Variants in STXBP6 observed in about 807,000 individuals in gnomAD.
The protein encoded by STXBP6 is syntaxin-binding protein 6.
In STXBP6, 21 loss-of-function variants were observed where a neutral mutation model predicts 26.9. The ratio of observed to expected loss-of-function variants is 0.78; its 90% CI spans 0.55 to 1.12. The LOEUF (loss-of-function observed/expected upper bound fraction) is 1.12. Ranked by LOEUF, STXBP6 falls within the 50% of genes most tolerant of loss-of-function variation. The pLI, the probability that STXBP6 is intolerant of heterozygous loss-of-function variation, is 0.00. For synonymous variants in STXBP6, 97 were observed against 92.6 expected (o/e 1.05, Z -0.27); for missense variants, 232 against 257.9 (o/e 0.90, Z 0.69).
At chr14:24,870,948 T>C (rs1369566701) in intron 2 of STXBP6, among the ~76,000 whole-genome samples, 1 of 152,304 alleles carries the variant, frequency 6.6e-6, no homozygotes, top group Non-Finnish European at 1.5e-5. Context: ...TTTAAAAAAC[T>C]AAGATGCTAC....
At chr14:25,029,014 T>C (rs1007579338) in intron 1 of STXBP6, among the ~76,000 whole-genome samples, 1 of 152,188 alleles carries the variant, frequency 6.6e-6, no homozygotes, top group African/African-American at 2.4e-5. Context: ...GAGGAGTTGC[T>C]TCTTATGGAT....
At chr14:24,877,743 T>A (rs1429525121) in intron 2 of STXBP6, among the ~76,000 whole-genome samples, 1 of 152,194 alleles carries the variant, frequency 6.6e-6, no homozygotes, top group African/African-American at 2.4e-5. Flanking sequence ...CATAAATAAT[T>A]TTGCAAGTAT....
At chr14:24,939,542 G>A (rs966999599) in intron 2 of STXBP6, among the ~76,000 whole-genome samples, 1 of 151,576 alleles carries the variant, frequency 6.6e-6, no homozygotes, top group Non-Finnish European at 1.5e-5. Context: ...TTCTGCCTAT[G>A]GCGATGGCCA....
At chr14:24,901,555 GAAT>G (rs979246431) in intron 2 of STXBP6, among the ~76,000 whole-genome samples, 1 of 152,050 alleles carries the variant, frequency 6.6e-6, no homozygotes, top group African/African-American at 2.4e-5. Context: ...TGTTCACAAA[GAAT>G]AATACTAGAA....
chr14:25,033,137 G>C (rs534409733), intron 1 of STXBP6, among the ~76,000 whole-genome samples: 8 of 152,206 alleles, frequency 5.3e-5, no homozygotes, highest in African/African-American at 1.9e-4. Flanking sequence ...AGTCTACCTG[G>C]GGAGGCATGA....
intron 1 of STXBP6, among the ~76,000 whole-genome samples, chr14:25,009,817 C>G (rs2074990722): frequency 6.6e-6 from 1 of 152,182 alleles, no homozygotes; most frequent in Non-Finnish European, 1.5e-5. Context: ...AATATGACTG[C>G]CACTGTATGG....
chr14:24,901,467 C>A (rs1219416989), intron 2 of STXBP6, among the ~76,000 whole-genome samples: 1 of 152,108 alleles, frequency 6.6e-6, no homozygotes, highest in Non-Finnish European at 1.5e-5. Flanking sequence ...TTGGCAGTTT[C>A]TGAAAAAATT....
At chr14:24,940,659 C>T (rs930994895) in intron 2 of STXBP6, among the ~76,000 whole-genome samples, 4 of 152,152 alleles carry the variant, frequency 2.6e-5, no homozygotes, top group African/African-American at 7.2e-5. Context: ...ATCTTCCTCC[C>T]TGACTCCACG....
chr14:24,982,776 A>C (rs2074231986), intron 1 of STXBP6, among the ~76,000 whole-genome samples: 1 of 152,226 alleles, frequency 6.6e-6, no homozygotes, highest in African/African-American at 2.4e-5. Context: ...CTGATATCCA[A>C]AGAACAAACC....
At chr14:24,909,080 A>C (rs575337446) in intron 2 of STXBP6, among the ~76,000 whole-genome samples, 3 of 152,266 alleles carry the variant, frequency 2.0e-5, no homozygotes, top group Non-Finnish European at 4.4e-5. Context: ...GCAGGAAAGA[A>C]GACACAGAGT....
At chr14:25,036,810 G>C (rs2075562266) in intron 1 of STXBP6, among the ~76,000 whole-genome samples, 3 of 148,806 alleles carry the variant, frequency 2.0e-5, no homozygotes, top group Admixed American at 6.7e-5. Context: ...GAGCCAAGAT[G>C]GCGCCACAGC....
chr14:24,934,512 C>G (rs1595141482), intron 2 of STXBP6, among the ~76,000 whole-genome samples: 1 of 152,130 alleles, frequency 6.6e-6, no homozygotes, highest in Admixed American at 6.5e-5. Flanking sequence ...CTCTCATCAC[C>G]TCTTGAAAAG....
At chr14:24,942,492 G>A (rs1021963570) in intron 2 of STXBP6, among the ~76,000 whole-genome samples, 2 of 152,170 alleles carry the variant, frequency 1.3e-5, no homozygotes, top group African/African-American at 4.8e-5. Flanking sequence ...TGGAACTTCA[G>A]GGGCCACACT....
intron 2 of STXBP6, among the ~76,000 whole-genome samples, chr14:24,938,529 C>T (rs938250224): frequency 6.6e-6 from 1 of 151,728 alleles, no homozygotes; most frequent in African/African-American, 2.4e-5. Context: ...ACACCAAATA[C>T]CTTTCCAGAT....
intron 4 of STXBP6, among the ~76,000 whole-genome samples, chr14:24,846,190 T>C (rs1191896508): frequency 6.6e-6 from 1 of 152,186 alleles, no homozygotes; most frequent in African/African-American, 2.4e-5. Context: ...CTGAACTATC[T>C]TTCCCGCAAA....
At chr14:24,842,198 C>A (rs1277219431) in intron 4 of STXBP6, among the ~76,000 whole-genome samples, 1 of 152,312 alleles carries the variant, frequency 6.6e-6, no homozygotes, top group South Asian at 2.1e-4. Flanking sequence ...CTCTGGAACA[C>A]AGGTTCTTAT....
At chr14:24,980,182 CAGGT>C (rs2074150022) in intron 1 of STXBP6, among the ~76,000 whole-genome samples, 2 of 152,074 alleles carry the variant, frequency 1.3e-5, no homozygotes, top group African/African-American at 4.8e-5. Context: ...AAAACTTTAA[CAGGT>C]AGTCAGAAAA....
At chr14:25,010,697 C>A (rs1341817349) in intron 1 of STXBP6, 1 of 152,180 alleles carries the variant, frequency 6.6e-6, no homozygotes, top group African/African-American at 2.4e-5. Context: ...TCCTGGCATT[C>A]CCCAGCTGTA....
intron 2 of STXBP6, among the ~76,000 whole-genome samples, chr14:24,857,470 G>T (rs183997579): frequency 6.6e-6 from 1 of 152,000 alleles, no homozygotes; most frequent in South Asian, 2.1e-4. Flanking sequence ...TTCAATGGAG[G>T]CTATAAGTGC....
Sources: gnomAD v4.1 joint callset for allele counts (sites outside exome capture counted in the v4.1 genomes callset) on GRCh38, gnomAD v4.1.1 for gene constraint, MANE v1.5 for transcripts, NCBI Gene and HGNC (gene_info 2026-07-23, HGNC 2026-07-21) for gene names.